ST8SIA1: variants seen among roughly 807,000 people sequenced by gnomAD.
ST8SIA1 encodes ST8 alpha-N-acetyl-neuraminide alpha-2,8-sialyltransferase 1.
A neutral mutation model predicts 35.9 loss-of-function variants in ST8SIA1; 16 were observed. The observed-to-expected ratio is 0.45, with a 90% confidence interval of 0.30 to 0.68. The LOEUF is 0.68. ST8SIA1 is among the 30% of genes least tolerant of loss of function. The probability of loss-of-function intolerance (pLI) is 0.09; values close to 1 mark genes in which losing one functional copy is unlikely to be tolerated. For synonymous variants in ST8SIA1, 170 were observed against 169.6 expected (o/e 1.00, Z -0.02); for missense variants, 383 against 453.6 (o/e 0.84, Z 1.41).
In ST8SIA1 at chr12:22,320,976, AAAGAAAGAAAGAAAGAAAGAAAGAAAG is replaced by A. The variant is rs879895854; in HGVS notation, c.236+12994_236+13020del. 8.6e-3 allele frequency among the ~76,000 whole-genome samples: 900 copies of A among 104,598 alleles called. 5 individuals carry two copies. Among genetic ancestry groups the A allele is most frequent in the Non-Finnish European group, 0.011 (576 of 52,598 alleles). 68.6% of individuals were successfully genotyped at this position (104,598 alleles called of 152,430 possible). On this transcript the variant is annotated intron_variant, in intron 1 of 4. Coordinates refer to ENST00000396037, the MANE Select transcript of ST8SIA1 (RefSeq NM_003034.4). Reference sequence around the variant, plus strand: ...AAGAAAGAGAAAGAAAGAAAGAAAGAAAGAAAGAAAGAAAGAAAGAAAGAAAGAAGAAAGAAAGAAAGAAAGAAAGAA... The same window carrying A: ...AAGAAAGAGAAAGAAAGAAAGAAAGAAAGAAAGAAAGAAAGAAAGAAAGAA...
In ST8SIA1 at chr12:22,222,359, A is replaced by G. The variant is rs111750999; in HGVS notation, c.585-20321T>C. 3.4e-3 allele frequency among the ~76,000 whole-genome samples: 515 copies of G among 152,340 alleles called. 7 individuals are homozygous for G. The highest frequency in any genetic ancestry group is 0.012 in the African/African-American group (486 of 41,584). ...GCCTCACGAGGGAAAAACTGTAGAC[A>G]GTAACTTTTTGCTCTACTCGAGTAT... On this transcript the variant is annotated intron_variant, in intron 4 of 4. Coordinates refer to ENST00000396037, the MANE Select transcript of ST8SIA1 (RefSeq NM_003034.4).
Position 22,255,319 on chromosome 12 carries a change from C to G in ST8SIA1, c.452G>C (p.Gly151Ala). The change falls in exon 3 of 5, where the codon GGC (glycine) becomes GCC (alanine). Residue 151 changes from glycine to alanine, a missense_variant. Transcript: ENST00000396037. ...TGCTTCATCTATTTGACGGCCACAG[C>G]CACTCTTCTTCAGAATCCCACCATT... ...VGNGGILKKS[G>A]CGRQIDEANF... The G allele has an allele frequency of 6.2e-7, 1 of 1,614,210 alleles. No homozygotes were observed. Among genetic ancestry groups the G allele is most frequent in the Non-Finnish European group, 8.5e-7 (1 of 1,180,028 alleles).
chr12:22,232,880 T>A (rs1242874442), intron 4 of ST8SIA1, among the ~76,000 whole-genome samples: 1 of 151,330 alleles, frequency 6.6e-6, no homozygotes, highest in Non-Finnish European at 1.5e-5. Flanking sequence ...GGCAAGAGAA[T>A]CTAAACAGCA....
chr12:22,255,481 G>T, intron 2 of ST8SIA1, 92 bp from the exon 3 acceptor site: 1 of 1,072,862 alleles, frequency 9.3e-7, no homozygotes, highest in Non-Finnish European at 1.4e-6. Flanking sequence ...GGAGGAATTT[G>T]ACTGAAGACT....
chr12:22,253,898 G>A (rs1357494057), intron 3 of ST8SIA1, among the ~76,000 whole-genome samples: 1 of 152,130 alleles, frequency 6.6e-6, no homozygotes, highest in African/African-American at 2.4e-5. Flanking sequence ...GCCCCCACAA[G>A]TACATGGCTT....
At chr12:22,285,158 T>C (rs977784515) in intron 2 of ST8SIA1, among the ~76,000 whole-genome samples, 8 of 152,248 alleles carry the variant, frequency 5.3e-5, no homozygotes, top group African/African-American at 1.7e-4. Flanking sequence ...GCAACTAGTG[T>C]TCTGGATGCA....
rs1330338619 is a variant in ST8SIA1, at chr12:22,260,204, C to A, written c.382-4815G>T. Reference sequence around the variant, plus strand: ...AGAAAGGGTCTAGTTCTGTGTCACCCATGCTGAAGTACAATGGTGCCATCA... The same window carrying A: ...AGAAAGGGTCTAGTTCTGTGTCACCAATGCTGAAGTACAATGGTGCCATCA... On this transcript the variant is annotated intron_variant, in intron 2 of 4. Coordinates refer to ENST00000396037, the MANE Select transcript of ST8SIA1 (RefSeq NM_003034.4). 2.6e-5 allele frequency among the ~76,000 whole-genome samples: 4 copies of A among 151,314 alleles called. No individual in the cohort carries two copies. In the East Asian group the frequency reaches 7.8e-4, roughly 29 times the overall value.
intron 3 of ST8SIA1, among the ~76,000 whole-genome samples, chr12:22,252,617 T>C (rs1865685379): frequency 6.6e-6 from 1 of 152,228 alleles, no homozygotes; most frequent in Non-Finnish European, 1.5e-5. Context: ...CATCTCCCCA[T>C]ATTTTAGAAA....
At position 22,334,289 on chromosome 12, in the gene ST8SIA1, G is replaced by T; in HGVS notation, c.-57C>A. 6.9e-7 allele frequency: 1 copy of T among 1,448,272 alleles called. No homozygotes were observed. Among genetic ancestry groups the T allele is most frequent in the Non-Finnish European group, 9.5e-7 (1 of 1,054,778 alleles). 89.7% of individuals were successfully genotyped at this position (1,448,272 alleles called of 1,614,324 possible). A position where few individuals can be genotyped will look rare whatever the true frequency, so the allele number is the denominator to read the frequency against. On this transcript the variant is annotated 5_prime_UTR_variant, in exon 1 of 5. Transcript: ENST00000396037. ...GGGCCTCAGCACAAAGCTAGGCGAAGTGGCAGCGGAGGGTCCCCCACCGCC... is the reference window on the plus strand; with the variant it reads ...GGGCCTCAGCACAAAGCTAGGCGAATTGGCAGCGGAGGGTCCCCCACCGCC...
intron 1 of ST8SIA1, among the ~76,000 whole-genome samples, chr12:22,299,049 T>A (rs554253176): frequency 2.7e-5 from 4 of 150,582 alleles, no homozygotes; most frequent in African/African-American, 9.7e-5. Flanking sequence ...CGAAATGGAG[T>A]TTTTTTTTCA....
At chr12:22,245,021 C>T (rs1865584284) in intron 4 of ST8SIA1, among the ~76,000 whole-genome samples, 1 of 152,064 alleles carries the variant, frequency 6.6e-6, no homozygotes, top group South Asian at 2.1e-4. Context: ...GCACCAGAGC[C>T]ACATTGTCTT....
At chr12:22,308,427 A>C (rs1446607858) in intron 1 of ST8SIA1, among the ~76,000 whole-genome samples, 1 of 152,202 alleles carries the variant, frequency 6.6e-6, no homozygotes, top group Non-Finnish European at 1.5e-5. Flanking sequence ...GTACACACTT[A>C]CCTATCAATT....
At chr12:22,288,275 C>T (rs1866128357) in intron 1 of ST8SIA1, among the ~76,000 whole-genome samples, 1 of 152,222 alleles carries the variant, frequency 6.6e-6, no homozygotes, top group African/African-American at 2.4e-5. Flanking sequence ...CTTGCTCAGA[C>T]ATCTTTAGCT....
intron 3 of ST8SIA1, among the ~76,000 whole-genome samples, chr12:22,252,175 A>G (rs2017107): frequency 0.56 from 85,857 of 152,074 alleles, 24,943 homozygotes; most frequent in Middle Eastern, 0.75. Flanking sequence ...TTATGAAATT[A>G]TTATATCCTA....
intron 4 of ST8SIA1, among the ~76,000 whole-genome samples, chr12:22,227,077 C>G (rs1236948852): frequency 6.6e-6 from 1 of 151,930 alleles, no homozygotes; most frequent in African/African-American, 2.4e-5. Context: ...TCCCAAGTAG[C>G]TGGGATTACA....
chr12:22,328,636 A>T (rs1358965292), intron 1 of ST8SIA1, among the ~76,000 whole-genome samples: 2 of 152,218 alleles, frequency 1.3e-5, no homozygotes, highest in Non-Finnish European at 2.9e-5. Flanking sequence ...ATTTTGAATA[A>T]CTGAAAGGAT....
chr12:22,304,334 CTTTTTTTTTT>C (rs3063802), intron 1 of ST8SIA1, among the ~76,000 whole-genome samples: 1 of 106,266 alleles, frequency 9.4e-6, no homozygotes, highest in Non-Finnish European at 1.9e-5. Flanking sequence ...TTTTCTTTTT[CTTTTTTTTTT>C]TTTTTTTTTT....
chr12:22,287,122 A>G, intron 2 of ST8SIA1, 27 bp downstream of exon 2: 2 of 1,591,036 alleles, frequency 1.3e-6, no homozygotes, highest in Non-Finnish European at 1.7e-6. Flanking sequence ...AAGAAACCAT[A>G]CTGAAGGCAA....
chr12:22,322,277 T>C (rs1335260512), intron 1 of ST8SIA1, among the ~76,000 whole-genome samples: 3 of 152,208 alleles, frequency 2.0e-5, no homozygotes, highest in Non-Finnish European at 4.4e-5. Context: ...CCTTTCCCAT[T>C]GTGTGCTGCG....
Sources: allele counts gnomAD v4.1 joint callset (sites outside exome capture counted in the v4.1 genomes callset), GRCh38; gene constraint gnomAD v4.1.1; transcripts MANE v1.5; gene names NCBI Gene and HGNC (gene_info 2026-07-23, HGNC 2026-07-21).